RBM28: variants seen among roughly 807,000 people sequenced by gnomAD.
RBM28 encodes the protein RNA binding motif protein 28, also known as RNA-binding protein 28.
In RBM28, 78 loss-of-function variants were observed where a neutral mutation model predicts 98.3. The ratio of observed to expected loss-of-function variants is 0.79; its 90% CI spans 0.66 to 0.96. The LOEUF is 0.96. RBM28 is among the 40% of genes least tolerant of loss of function. RBM28 has a pLI of 0.00. For synonymous variants in RBM28, 306 were observed against 330.9 expected, an observed-to-expected ratio of 0.92 and a Z score of 0.82; for missense variants, 838 against 913.0, an observed-to-expected ratio of 0.92 and a Z score of 1.06.
chr7:128,341,154 T>C (rs1317004441), intron 1 of RBM28: 2 of 1,289,374 alleles, frequency 1.6e-6, no homozygotes, highest in African/African-American at 1.5e-5. Context: ...TCTGCTTCTC[T>C]TTCCACTGCA....
chr7:128,331,322 G>T, intron 9 of RBM28, among the ~76,000 whole-genome samples: 1 of 126,672 alleles, frequency 7.9e-6, no homozygotes, highest in South Asian at 3.0e-4. Context: ...CAGAATCTAT[G>T]TTATACCTTA....
intron 18 of RBM28, among the ~76,000 whole-genome samples, chr7:128,311,344 G>A (rs1283105453): frequency 6.6e-6 from 1 of 152,192 alleles, no homozygotes; most frequent in Non-Finnish European, 1.5e-5. Context: ...AAACTTCCCA[G>A]ACACAGATTT....
At chr7:128,336,337 C>A (rs576378714) in intron 6 of RBM28, among the ~76,000 whole-genome samples, 1 of 152,190 alleles carries the variant, frequency 6.6e-6, no homozygotes, top group African/African-American at 2.4e-5. Context: ...GTCTACCATT[C>A]GTACATCATA....
rs6947825 is a variant in RBM28 at position 128,305,595 on chromosome 7, A to T, written c.*5202T>A. The T allele has an allele frequency of 0.97, 148,141 of 152,450 alleles. 72,129 individuals are homozygous for T. The highest frequency in any genetic ancestry group is 1 in the East Asian group (5,178 of 5,178). The allele number at this position is 152,450 out of a possible 1,614,324, so 9.4% of individuals were successfully genotyped here. ...ACTTTGACCTCTCAAAGTGCTGGGAATATAGGCATGAGCCACCATGCCAAG... is the reference window on the plus strand; with the variant it reads ...ACTTTGACCTCTCAAAGTGCTGGGATTATAGGCATGAGCCACCATGCCAAG... On this transcript the variant is annotated 3_prime_UTR_variant, in exon 19 of 19. Coordinates refer to ENST00000223073, the MANE Select transcript of RBM28 (RefSeq NM_018077.3).
Position 128,314,862 on chromosome 7 carries a change from C to A in RBM28, c.1947G>T (p.Gly649=). ...GCTCCACTTCAGCCTTGGTCTGGAA[C>A]CCGGTCCATGAGGTAGAGCCCGCCT... The part of the protein sequence containing the change: ...KRKAGSTSWT[G]FQTKAEVEQV... Residue 649 remains glycine, a synonymous_variant, in exon 17 of 19, where the codon GGG becomes GGT. Transcript: ENST00000223073. The A allele has an allele frequency of 6.2e-7, 1 of 1,614,176 alleles. No homozygotes were observed. Among genetic ancestry groups the A allele is most frequent in the Non-Finnish European group, 8.5e-7 (1 of 1,180,044 alleles).
chr7:128,335,068 G>A (rs1796567406), intron 8 of RBM28, among the ~76,000 whole-genome samples: 1 of 152,194 alleles, frequency 6.6e-6, no homozygotes, highest in Admixed American at 6.5e-5. Context: ...TGCTGTTTAA[G>A]CCACCCAGTT....
intron 10 of RBM28, among the ~76,000 whole-genome samples, chr7:128,330,111 G>GAC (rs1286831174): frequency 6.6e-6 from 1 of 151,900 alleles, no homozygotes; most frequent in Non-Finnish European, 1.5e-5. Context: ...TCTAACGGCT[G>GAC]ACACTGCAAC....
At chr7:128,329,261 G>T (rs542448845) in intron 10 of RBM28, among the ~76,000 whole-genome samples, 2 of 152,160 alleles carry the variant, frequency 1.3e-5, no homozygotes, top group South Asian at 4.1e-4. Context: ...CACCACGCCC[G>T]GCTAATTTTG....
chr7:128,339,657 T>C lies in RBM28; in HGVS notation c.253A>G (p.Lys85Glu), dbSNP rs765722765. 12 of 1,614,044 alleles carry C rather than the reference T, an allele frequency of 7.4e-6. No homozygotes were observed. The South Asian group carries it at 1.3e-4, about 18-fold the overall frequency. The change falls in exon 2 of 19, where the codon AAG (lysine) becomes GAG (glutamate). Residue 85 changes from lysine to glutamate, a missense_variant. Coordinates refer to ENST00000223073, the MANE Select transcript of RBM28 (RefSeq NM_018077.3). ...VTVAKKKLRNKTKEKGKNENS... is the reference protein window; with the variant it reads ...VTVAKKKLRNETKEKGKNENS... ...CCATTTTTCCCCTTTTCCTTTGTCT[T>C]GTTCCTCAGTTTTTTCTTGGCAACA...
chr7:128,322,333 G>C (rs1212445912), intron 13 of RBM28, among the ~76,000 whole-genome samples: 1 of 152,202 alleles, frequency 6.6e-6, no homozygotes, highest in Non-Finnish European at 1.5e-5. Flanking sequence ...TGCGTGATCT[G>C]TGTCTAAAAT....
In RBM28 at chr7:128,307,837, AG is replaced by A. The variant is rs1193920541; in HGVS notation, c.*2959del. 1 of 152,174 alleles carries A rather than the reference AG, an allele frequency of 6.6e-6. No homozygotes were observed. The highest frequency in any genetic ancestry group is 1.9e-4 in the East Asian group (1 of 5,192). 9.4% of individuals were successfully genotyped at this position (152,174 alleles called of 1,614,324 possible). A position where few individuals can be genotyped will look rare whatever the true frequency, so the allele number is the denominator to read the frequency against. ...TTGCTGTTGTTTTTCAAAATAATAG[AG>A]ATGGGGGTCTCACTATGTTGGCCAG... On this transcript the variant is annotated 3_prime_UTR_variant, in exon 19 of 19. Transcript: ENST00000223073.
chr7:128,337,013 G>A lies in RBM28; in HGVS notation c.613+118C>T. 3 of 1,096,746 alleles carry A rather than the reference G, an allele frequency of 2.7e-6. No homozygotes were observed. The East Asian group carries it at 7.2e-5, about 26-fold the overall frequency. 67.9% of individuals were successfully genotyped at this position (1,096,746 alleles called of 1,614,324 possible). ...TCCACCCAAAGTGCTGGAATTACAG[G>A]CAAGAGCCACTGCACCCAGCCTTTT... On this transcript the variant is annotated intron_variant, in intron 6 of 18. Transcript: ENST00000223073.
At chr7:128,329,151 G>A (rs1326166959) in intron 10 of RBM28, among the ~76,000 whole-genome samples, 3 of 152,094 alleles carry the variant, frequency 2.0e-5, no homozygotes, top group Non-Finnish European at 4.4e-5. Flanking sequence ...CCAGGCTAGA[G>A]TGCAGTGGCA....
intron 18 of RBM28, 118 bp from the exon 19 acceptor site, chr7:128,311,049 G>T: frequency 5.8e-6 from 6 of 1,038,032 alleles, no homozygotes; most frequent in South Asian, 5.4e-5. Flanking sequence ...TACCAGAAAG[G>T]GGTAGGTTTC....
Position 128,339,715 on chromosome 7 carries a change from A to C in RBM28, c.195T>G (p.Ile65Met), listed in dbSNP as rs778960637. ...TGATCTTGCAACCTTCAAAGGTGGTAATCTCCTTGAGGGCCCTCTGAACAT... is the reference window on the plus strand; with the variant it reads ...TGATCTTGCAACCTTCAAAGGTGGTCATCTCCTTGAGGGCCCTCTGAACAT... ...LEDVQRALKE[I>M]TTFEGCKINV... The change falls in exon 2 of 19, where the codon ATT becomes ATG. Residue 65 changes from isoleucine (I) to methionine (M), a missense_variant. By Grantham distance (10) the Ile-to-Met change is conservative (BLOSUM62 1). Coordinates refer to ENST00000223073, the MANE Select transcript of RBM28 (RefSeq NM_018077.3). The C allele has an allele frequency of 6.2e-7, 1 of 1,613,888 alleles. No individual in the cohort carries two copies. Among genetic ancestry groups the C allele is most frequent in the Non-Finnish European group, 8.5e-7 (1 of 1,179,792 alleles).
intron 11 of RBM28, 53 bp downstream of exon 11, chr7:128,325,765 C>T: frequency 7.4e-7 from 1 of 1,354,738 alleles, no homozygotes; most frequent in Non-Finnish European, 1.1e-6. Context: ...GATGTTGCCC[C>T]TAAGAGCCAA....
At chr7:128,324,786 G>A (rs1412165324) in intron 11 of RBM28, 92 bp from the exon 12 acceptor site, 66 of 1,563,400 alleles carry the variant, frequency 4.2e-5, no homozygotes, top group Middle Eastern at 2.1e-4. Flanking sequence ...GGCTGAGGCA[G>A]GTGGATCACC....
chr7:128,335,803 C>T, intron 7 of RBM28, 44 bp downstream of exon 7: 1 of 1,613,960 alleles, frequency 6.2e-7, no homozygotes, highest in East Asian at 2.2e-5. Context: ...CGGAGACAAT[C>T]TTGAATCTTC....
At chr7:128,313,974 T>A (rs1243024741) in intron 17 of RBM28, among the ~76,000 whole-genome samples, 1 of 152,088 alleles carries the variant, frequency 6.6e-6, no homozygotes, top group Non-Finnish European at 1.5e-5. Flanking sequence ...TTTTCTTTTT[T>A]TTTTTTGAGA....
Sources: allele counts gnomAD v4.1 joint callset (sites outside exome capture counted in the v4.1 genomes callset), GRCh38; gene constraint gnomAD v4.1.1; transcripts MANE v1.5; gene names NCBI Gene and HGNC (gene_info 2026-07-23, HGNC 2026-07-21).